The following AXIN2 variants were observed in gnomAD, a reference collection of about 807,000 sequenced individuals.
The protein encoded by AXIN2 is axin 2.
Under a neutral mutation model 74.7 loss-of-function variants are expected in AXIN2, and 21 were observed. That is an observed-to-expected ratio of 0.28 (90% CI 0.20 to 0.40). AXIN2 has a LOEUF of 0.40. Among genes scored for constraint, AXIN2 ranks in the 10% least tolerant of loss-of-function variants. The pLI, the probability that AXIN2 is intolerant of heterozygous loss-of-function variation, is 1.00. For synonymous variants in AXIN2, 532 were observed against 454.9 expected, an observed-to-expected ratio of 1.17 and a Z score of -2.16; for missense variants, 1,144 against 1,111.1, an observed-to-expected ratio of 1.03 and a Z score of -0.42.
chr17:65,530,417 C>T (rs998261266), intron 10 of AXIN2, among the ~76,000 whole-genome samples: 1 of 152,198 alleles, frequency 6.6e-6, no homozygotes, highest in South Asian at 2.1e-4. Context: ...GCTGCTTTCC[C>T]CCCGCCAACC....
At chr17:65,546,150 ACAGC>A (rs1317851886) in intron 3 of AXIN2, among the ~76,000 whole-genome samples, 1 of 151,488 alleles carries the variant, frequency 6.6e-6, no homozygotes, top group Non-Finnish European at 1.5e-5. Context: ...GACGGGAGAA[ACAGC>A]CAGGGCTCTT....
intron 9 of AXIN2, 95 bp from the exon 10 acceptor site, chr17:65,534,174 G>T (rs1217905468): frequency 6.8e-7 from 1 of 1,471,212 alleles, no homozygotes; most frequent in Admixed American, 1.7e-5. Flanking sequence ...TAAGTGACAG[G>T]GTATCCAAAC....
chr17:65,533,721 G>A (rs1266474210), intron 10 of AXIN2, among the ~76,000 whole-genome samples, 191 bp downstream of exon 10: 1 of 152,188 alleles, frequency 6.6e-6, no homozygotes, highest in Non-Finnish European at 1.5e-5. Context: ...CCCTCTTGCG[G>A]CTGCTGCTTC....
intron 3 of AXIN2, among the ~76,000 whole-genome samples, chr17:65,545,399 A>T (rs1430163779): frequency 2.0e-5 from 3 of 152,070 alleles, no homozygotes; most frequent in African/African-American, 4.8e-5. Context: ...CGTTAAAAAA[A>T]TTTTTTTTGG....
At chr17:65,548,334 G>T (rs1056850948) in intron 3 of AXIN2, among the ~76,000 whole-genome samples, 3 of 152,082 alleles carry the variant, frequency 2.0e-5, no homozygotes, top group African/African-American at 7.2e-5. Context: ...CCTCCAACTG[G>T]TCCCATGCCA....
rs772636882 is a variant in AXIN2, at chr17:65,538,301, C to T, written c.1102G>A (p.Ala368Thr). 2.5e-5 allele frequency: 40 copies of T among 1,614,146 alleles called. No homozygotes were observed. Among genetic ancestry groups the T allele is most frequent in the Middle Eastern group, 1.6e-4 (1 of 6,062 alleles). ...LPKEMTPVEP[A>T]TFAAELISRL... ...GAGATCAGCTCAGCTGCAAAGGTGGCGGGTTCCACGGGGGTCATCTCCTTG... is the reference window on the plus strand; with the variant it reads ...GAGATCAGCTCAGCTGCAAAGGTGGTGGGTTCCACGGGGGTCATCTCCTTG... The change falls in exon 5 of 11, where the codon GCC becomes ACC. Residue 368 changes from alanine to threonine, a missense_variant. Around this residue, in one of 4 missense-constraint regions of AXIN2, gnomAD observed 1,053 missense variants for 973.5 expected, o/e 1.08. Transcript: ENST00000307078.
intron 10 of AXIN2, among the ~76,000 whole-genome samples, chr17:65,532,812 G>A (rs2144409496): frequency 6.6e-6 from 1 of 152,356 alleles, no homozygotes; most frequent in South Asian, 2.1e-4. Context: ...AATAGACTGT[G>A]GTCCTGGCAC....
In AXIN2 at chr17:65,529,102, AG is replaced by A. The variant is rs36046829; in HGVS notation, c.*873del. On this transcript the variant is annotated 3_prime_UTR_variant, in exon 11 of 11. Coordinates refer to ENST00000307078, the MANE Select transcript of AXIN2 (RefSeq NM_004655.4). ...AACAAAAACAGAAACAAAAAAAACA[AG>A]GAACTGTCATTTCCACGAAAGCACA... is the stretch of plus-strand genomic sequence containing the variant. The A allele has an allele frequency of 4.3e-6, 1 of 234,822 alleles. No homozygotes were observed. Among genetic ancestry groups the A allele is most frequent in the Non-Finnish European group, 8.4e-6 (1 of 119,248 alleles). The allele number at this position is 234,822 out of a possible 1,614,324, so 14.5% of individuals were successfully genotyped here.
Position 65,537,834 on chromosome 17 carries a change from T to C in AXIN2, c.1202A>G (p.Asp401Gly), listed in dbSNP as rs772221969. The C allele has an allele frequency of 2.6e-6, 4 of 1,550,640 alleles. No individual in the cohort carries two copies. The highest frequency in any genetic ancestry group is 3.5e-6 in the Non-Finnish European group (4 of 1,148,450). The change falls in exon 6 of 11, where the codon GAT (aspartate) becomes GGT (glycine). Residue 401 changes from aspartate to glycine, a missense_variant and splice_region_variant. Physicochemically the swap from Asp to Gly is moderately conservative, Grantham distance 94. Coordinates refer to ENST00000307078, the MANE Select transcript of AXIN2 (RefSeq NM_004655.4). ...GAGCTCGGAGCCCTCTCTCTCTTCA[T>C]CCTGAAAGGGAAGACGTCAGAAGGA... ...LEERLQQIRE[D>G]EEREGSELTL...
intron 2 of AXIN2, among the ~76,000 whole-genome samples, chr17:65,555,475 G>A (rs2144570522): frequency 6.6e-6 from 1 of 152,266 alleles, no homozygotes; most frequent in South Asian, 2.1e-4. Context: ...TGGAAAATGG[G>A]CTAAGCCAAG....
At chr17:65,535,529 C>A in intron 9 of AXIN2, 97 bp downstream of exon 9, 1 of 1,258,638 alleles carries the variant, frequency 7.9e-7, no homozygotes, top group Non-Finnish European at 1.1e-6. Flanking sequence ...ATTTTAAAAA[C>A]CAAAAAAAGT....
intron 3 of AXIN2, among the ~76,000 whole-genome samples, chr17:65,544,691 C>CT (rs2044093288): frequency 6.6e-6 from 1 of 152,152 alleles, no homozygotes; most frequent in South Asian, 2.1e-4. Context: ...ATACGGTCTC[C>CT]TTTAATTATA....
At chr17:65,537,905 C>A (rs2043966506) in intron 5 of AXIN2, 70 bp from the exon 6 acceptor site, 1 of 1,482,250 alleles carries the variant, frequency 6.7e-7, no homozygotes, top group African/African-American at 1.4e-5. Context: ...GGGGTTGCAA[C>A]ATTCGGCTCC....
At chr17:65,538,421 A>C (rs940164178) in intron 4 of AXIN2, 78 bp from the exon 5 acceptor site, 2 of 1,581,758 alleles carry the variant, frequency 1.3e-6, no homozygotes, top group East Asian at 2.2e-5. Context: ...AGCTTCCCGC[A>C]CCAGGCGCTG....
At position 65,557,930 on chromosome 17, in the gene AXIN2, C is replaced by T. The variant is rs761299800; in HGVS notation, c.691G>A (p.Glu231Lys). 2 of 1,614,212 alleles carry T rather than the reference C, an allele frequency of 1.2e-6. No homozygotes were observed. The highest frequency in any genetic ancestry group is 1.7e-6 in the Non-Finnish European group (2 of 1,180,024). Residue 231 changes from glutamate (E) to lysine (K), a missense_variant, in exon 2 of 11, where the codon GAA (glutamate) becomes AAA (lysine). This residue lies in a region of AXIN2 where 1,053 missense variants were observed against 973.5 expected (regional missense o/e 1.08). Transcript: ENST00000307078. The part of the protein sequence containing the change: ...VCGYLPTLNE[E>K]EEWTCADFKC... ...AAGTCGGCACAAGTCCACTCCTCTT[C>T]TTCATTCAAGGTGGGGAGATAGCCA...
chr17:65,555,003 G>A (rs1278035387), intron 2 of AXIN2, among the ~76,000 whole-genome samples: 1 of 152,126 alleles, frequency 6.6e-6, no homozygotes, highest in Non-Finnish European at 1.5e-5. Flanking sequence ...ATTGTCAAAA[G>A]CCCAGGCATC....
At chr17:65,540,320 C>T (rs1279100062) in intron 4 of AXIN2, among the ~76,000 whole-genome samples, 1 of 152,206 alleles carries the variant, frequency 6.6e-6, no homozygotes, top group Non-Finnish European at 1.5e-5. Flanking sequence ...GTGTCAGGTA[C>T]TGTTCTAGTC....
At chr17:65,558,779 G>A (rs901018124) in intron 1 of AXIN2, 43 bp from the exon 2 acceptor site, 1 of 747,670 alleles carries the variant, frequency 1.3e-6, no homozygotes, top group East Asian at 2.8e-5. Context: ...AGAGAAAAGG[G>A]TATTGATCTA....
Position 65,529,855 on chromosome 17 carries a change from A to T in AXIN2, c.*121T>A. ...AAGGCCCACTGGCCGATTCTTCCTT[A>T]GACTTTGTCTTCTTCATTGGTTTAA... On this transcript the variant is annotated 3_prime_UTR_variant, in exon 11 of 11. Coordinates refer to ENST00000307078, the MANE Select transcript of AXIN2 (RefSeq NM_004655.4). The T allele has an allele frequency of 6.4e-7, 1 of 1,566,224 alleles. No homozygotes were observed. Among genetic ancestry groups the T allele is most frequent in the Non-Finnish European group, 8.7e-7 (1 of 1,148,128 alleles).
Sources: allele counts gnomAD v4.1 joint callset (sites outside exome capture counted in the v4.1 genomes callset), GRCh38; gene constraint gnomAD v4.1.1; regional missense constraint gnomAD v4.1.1; transcripts MANE v1.5; gene names NCBI Gene and HGNC (gene_info 2026-07-23, HGNC 2026-07-21).